RHOU: variants seen among roughly 807,000 people sequenced by gnomAD.
RHOU encodes rho-related GTP-binding protein RhoU.
RHOU carries 8 observed loss-of-function variants against 12.6 expected under a neutral mutation model. That is an observed-to-expected ratio of 0.64 (90% confidence interval 0.37 to 1.15). The LOEUF is 1.15. Ranked by LOEUF, RHOU falls within the 50% of genes most tolerant of loss-of-function variation. The pLI, the probability that RHOU is intolerant of heterozygous loss-of-function variation, is 0.01. For synonymous variants in RHOU, 161 were observed against 147.4 expected, an observed-to-expected ratio of 1.09 and a Z score of -0.67; for missense variants, 258 against 347.0, an observed-to-expected ratio of 0.74 and a Z score of 2.04.
the RHOU span, among the ~76,000 whole-genome samples, chr1:228,660,306 T>C: frequency 8.1e-5 from 12 of 147,782 alleles, no homozygotes; most frequent in African/African-American, 3.1e-4. Context: ...GACTAGTAAC[T>C]AGTAAGGAGA....
At chr1:228,647,479 C>G in the RHOU span, among the ~76,000 whole-genome samples, 1 of 152,168 alleles carries the variant, frequency 6.6e-6, no homozygotes, top group Admixed American at 6.5e-5. Flanking sequence ...TGGTGGTTGG[C>G]GAAGCAATGT....
the RHOU span, among the ~76,000 whole-genome samples, chr1:228,662,404 C>G: frequency 1.3e-5 from 2 of 152,114 alleles, no homozygotes; most frequent in Non-Finnish European, 2.9e-5. Context: ...CAGCACTATT[C>G]ACAATAGCAA....
chr1:228,713,200 C>T, the RHOU span, among the ~76,000 whole-genome samples: 1 of 152,050 alleles, frequency 6.6e-6, no homozygotes, highest in Admixed American at 6.6e-5. Flanking sequence ...CCAAAAAGAC[C>T]AATGCAGGAT....
chr1:228,669,416 T>TC, the RHOU span, among the ~76,000 whole-genome samples: 4 of 152,336 alleles, frequency 2.6e-5, no homozygotes, highest in East Asian at 5.8e-4. Context: ...CATTACAGCC[T>TC]CTGTGCTTTT....
At chr1:228,667,821 C>A in the RHOU span, among the ~76,000 whole-genome samples, 28 of 152,020 alleles carry the variant, frequency 1.8e-4, no homozygotes, top group South Asian at 5.8e-3. Context: ...AAAAATGATA[C>A]AATAAAAACC....
the RHOU span, among the ~76,000 whole-genome samples, chr1:228,671,706 C>T: frequency 2.0e-5 from 2 of 101,846 alleles, no homozygotes; most frequent in Admixed American, 1.0e-4. Flanking sequence ...GAGCAAGACT[C>T]CATCTCAAAA....
chr1:228,689,607 A>G, the RHOU span, among the ~76,000 whole-genome samples: 1 of 152,128 alleles, frequency 6.6e-6, no homozygotes, highest in African/African-American at 2.4e-5. Context: ...ACCAGGCTGC[A>G]TAGCCGGAGG....
the RHOU span, chr1:228,650,639 G>A: frequency 2.2e-6 from 1 of 458,930 alleles, no homozygotes; most frequent in Non-Finnish European, 4.2e-6. Flanking sequence ...TTCTTCCAGG[G>A]TTGCATGGAT....
chr1:228,658,605 T>C, the RHOU span, among the ~76,000 whole-genome samples: 1 of 152,242 alleles, frequency 6.6e-6, no homozygotes, highest in African/African-American at 2.4e-5. Flanking sequence ...TCTCAGGTAT[T>C]TTGTTACAGC....
the RHOU span, among the ~76,000 whole-genome samples, chr1:228,680,165 G>A: frequency 6.6e-6 from 1 of 152,294 alleles, no homozygotes; most frequent in African/African-American, 2.4e-5. Context: ...CACTGTGAGA[G>A]TTACCCAAAG....
chr1:228,674,381 T>C, the RHOU span, among the ~76,000 whole-genome samples: 2 of 150,956 alleles, frequency 1.3e-5, no homozygotes, highest in African/African-American at 4.9e-5. Flanking sequence ...AGTTTCACTA[T>C]TGTCACCCAG....
At chr1:228,722,640 T>A in the RHOU span, among the ~76,000 whole-genome samples, 1 of 152,034 alleles carries the variant, frequency 6.6e-6, no homozygotes, top group Admixed American at 6.5e-5. Flanking sequence ...TTTTTTTTTT[T>A]TGAGATGGAG....
At chr1:228,727,101 G>T in the RHOU span, among the ~76,000 whole-genome samples, 2 of 152,156 alleles carry the variant, frequency 1.3e-5, no homozygotes, top group Non-Finnish European at 2.9e-5. Context: ...GCATGTCTGT[G>T]TTGATCACTA....
chr1:228,698,628 C>T, the RHOU span, among the ~76,000 whole-genome samples: 1 of 152,168 alleles, frequency 6.6e-6, no homozygotes, highest in African/African-American at 2.4e-5. Flanking sequence ...TACTCTAAAC[C>T]ATGGAAGAAA....
At chr1:228,695,056 G>A in the RHOU span, among the ~76,000 whole-genome samples, 3 of 152,106 alleles carry the variant, frequency 2.0e-5, no homozygotes, top group Admixed American at 6.6e-5. Flanking sequence ...TGCAACCTCC[G>A]CCTCCCAGGC....
chr1:228,656,564 T>A, the RHOU span, among the ~76,000 whole-genome samples: 4 of 151,146 alleles, frequency 2.6e-5, no homozygotes, highest in African/African-American at 7.3e-5. Flanking sequence ...GATGGAGCTT[T>A]AAAAAAAAAG....
chr1:228,680,195 G>A, the RHOU span, among the ~76,000 whole-genome samples: 2 of 152,138 alleles, frequency 1.3e-5, no homozygotes, highest in African/African-American at 4.8e-5. Context: ...TGGTCCAGGA[G>A]GCTTCCGAGG....
the RHOU span, among the ~76,000 whole-genome samples, chr1:228,670,679 C>G: frequency 1.2e-4 from 19 of 152,196 alleles, no homozygotes; most frequent in Admixed American, 1.2e-3. Context: ...TCTGTGTCCC[C>G]ACTCAAATCT....
the RHOU span, among the ~76,000 whole-genome samples, chr1:228,676,947 G>A: frequency 1.3e-5 from 2 of 152,192 alleles, no homozygotes; most frequent in African/African-American, 4.8e-5. Context: ...ATGCATGCAG[G>A]CCACAGGGGT....
Sources: gnomAD v4.1 joint callset for allele counts (sites outside exome capture counted in the v4.1 genomes callset) on GRCh38, gnomAD v4.1.1 for gene constraint, MANE v1.5 for transcripts, NCBI Gene and HGNC (gene_info 2026-07-23, HGNC 2026-07-21) for gene names.